Variants in PLCB1 observed in about 807,000 individuals in gnomAD.
PLCB1 encodes the protein 1-phosphatidylinositol 4,5-bisphosphate phosphodiesterase beta-1.
Under a neutral mutation model 161.8 loss-of-function variants are expected in PLCB1, and 46 were observed. That is an observed-to-expected ratio of 0.28 (90% confidence interval 0.22 to 0.36). The LOEUF (loss-of-function observed/expected upper bound fraction) is 0.36, where lower values mean the gene tolerates loss of function less well. Ranked by LOEUF, PLCB1 falls within the 10% of genes least tolerant of loss-of-function variation. The pLI, the probability that PLCB1 is intolerant of heterozygous loss-of-function variation, is 1.00. For missense variants in PLCB1, 1,016 were observed against 1,472.5 expected, an observed-to-expected ratio of 0.69 and a Z score of 5.07; for synonymous variants, 517 against 503.7, an observed-to-expected ratio of 1.03 and a Z score of -0.35.
intron 2 of PLCB1, among the ~76,000 whole-genome samples, chr20:8,203,024 G>A (rs1167967999): frequency 6.6e-6 from 1 of 152,088 alleles, no homozygotes; most frequent in Non-Finnish European, 1.5e-5. Flanking sequence ...GGCAAGTAGT[G>A]AGTAGTGATT....
At chr20:8,643,951 C>G (rs1261008980) in intron 4 of PLCB1, among the ~76,000 whole-genome samples, 1 of 152,202 alleles carries the variant, frequency 6.6e-6, no homozygotes. Context: ...CGCGCCGCCA[C>G]GCCTGACTGG....
intron 2 of PLCB1, among the ~76,000 whole-genome samples, chr20:8,339,740 G>A (rs558455493): frequency 1.3e-5 from 2 of 152,062 alleles, no homozygotes; most frequent in African/African-American, 4.8e-5. Flanking sequence ...ACATAACTTT[G>A]GGCCAGTTAC....
intron 3 of PLCB1, among the ~76,000 whole-genome samples, chr20:8,419,171 A>T (rs1411532531): frequency 6.6e-6 from 1 of 152,214 alleles, no homozygotes; most frequent in Non-Finnish European, 1.5e-5. Flanking sequence ...TTAATTTGTT[A>T]AAAATGGAAG....
intron 31 of PLCB1, among the ~76,000 whole-genome samples, chr20:8,848,767 G>A (rs1461715375): frequency 6.6e-6 from 1 of 152,242 alleles, no homozygotes; most frequent in Non-Finnish European, 1.5e-5. Flanking sequence ...TGAGGACTGA[G>A]ACTCTCTTTG....
At chr20:8,304,891 C>T (rs1984065784) in intron 2 of PLCB1, among the ~76,000 whole-genome samples, 1 of 152,152 alleles carries the variant, frequency 6.6e-6, no homozygotes, top group South Asian at 2.1e-4. Context: ...TTAACCCCAG[C>T]ACTATAAAGT....
chr20:8,795,858 G>C (rs1983997960), intron 31 of PLCB1, among the ~76,000 whole-genome samples: 1 of 141,912 alleles, frequency 7.0e-6, no homozygotes, highest in South Asian at 2.3e-4. Context: ...CTGGGCGACT[G>C]AGTGAGACCA....
At chr20:8,813,244 A>T (rs974125826) in intron 31 of PLCB1, among the ~76,000 whole-genome samples, 1 of 152,206 alleles carries the variant, frequency 6.6e-6, no homozygotes, top group South Asian at 2.1e-4. Context: ...TTCTCTACCA[A>T]GTCTACTCAC....
At chr20:8,246,889 AC>A (rs1202225543) in intron 2 of PLCB1, among the ~76,000 whole-genome samples, 1 of 151,726 alleles carries the variant, frequency 6.6e-6, no homozygotes, top group African/African-American at 2.4e-5. Context: ...CTTTAGAGCT[AC>A]CCTCATGCTC....
At chr20:8,617,631 G>C (rs1302713996) in intron 3 of PLCB1, among the ~76,000 whole-genome samples, 2 of 152,008 alleles carry the variant, frequency 1.3e-5, no homozygotes, top group Admixed American at 6.6e-5. Context: ...GCCTGTTGTT[G>C]AACATTTACC....
At chr20:8,442,042 G>T (rs1293436587) in intron 3 of PLCB1, among the ~76,000 whole-genome samples, 5 of 152,070 alleles carry the variant, frequency 3.3e-5, no homozygotes, top group Non-Finnish European at 7.4e-5. Flanking sequence ...CTAGAATATA[G>T]AAATAAAATA....
intron 10 of PLCB1, among the ~76,000 whole-genome samples, chr20:8,695,929 C>G (rs1990574806): frequency 1.3e-5 from 2 of 152,058 alleles, no homozygotes; most frequent in African/African-American, 4.8e-5. Context: ...TAATCAAGGC[C>G]CTCAGACCTT....
chr20:8,658,756 A>G (rs1568549677), intron 9 of PLCB1, 52 bp downstream of exon 9: 3 of 1,466,944 alleles, frequency 2.0e-6, no homozygotes, highest in Non-Finnish European at 2.8e-6. Context: ...GATTGGGGGT[A>G]GTCACACGCT....
intron 2 of PLCB1, among the ~76,000 whole-genome samples, chr20:8,167,130 T>C (rs1338603238): frequency 6.6e-6 from 1 of 152,092 alleles, no homozygotes; most frequent in Non-Finnish European, 1.5e-5. Flanking sequence ...TGAACACAGA[T>C]TTGGAAAGTG....
At chr20:8,476,114 C>T (rs990647430) in intron 3 of PLCB1, among the ~76,000 whole-genome samples, 4 of 152,182 alleles carry the variant, frequency 2.6e-5, no homozygotes, top group Non-Finnish European at 5.9e-5. Flanking sequence ...TGTCTTGGCC[C>T]CCACGGCTAC....
chr20:8,510,959 A>C (rs964275721), intron 3 of PLCB1, among the ~76,000 whole-genome samples: 51 of 152,324 alleles, frequency 3.3e-4, no homozygotes, highest in African/African-American at 1.2e-3. Context: ...TAGTTATCAT[A>C]TCCATCACCT....
intron 2 of PLCB1, among the ~76,000 whole-genome samples, chr20:8,352,054 C>A (rs1446081984): frequency 6.6e-6 from 1 of 151,984 alleles, no homozygotes; most frequent in African/African-American, 2.4e-5. Context: ...TTTATAGAAG[C>A]CTTATTCTTA....
At chr20:8,592,432 T>G (rs1390904988) in intron 3 of PLCB1, among the ~76,000 whole-genome samples, 3 of 152,208 alleles carry the variant, frequency 2.0e-5, no homozygotes, top group Admixed American at 6.5e-5. Flanking sequence ...AAGTAATGCA[T>G]GCAGGTCTTG....
intron 3 of PLCB1, among the ~76,000 whole-genome samples, chr20:8,418,418 A>C (rs931797726): frequency 1.3e-5 from 2 of 152,174 alleles, no homozygotes; most frequent in Non-Finnish European, 2.9e-5. Flanking sequence ...GAATATCTTC[A>C]GAACATGCAG....
intron 2 of PLCB1, among the ~76,000 whole-genome samples, chr20:8,260,765 T>C (rs1023756596): frequency 2.0e-5 from 3 of 152,102 alleles, no homozygotes; most frequent in African/African-American, 7.2e-5. Context: ...AGCAGTGTTG[T>C]TCATGTCATC....
Sources: gnomAD v4.1 joint callset for allele counts (sites outside exome capture counted in the v4.1 genomes callset) on GRCh38, gnomAD v4.1.1 for gene constraint, MANE v1.5 for transcripts, NCBI Gene and HGNC (gene_info 2026-07-23, HGNC 2026-07-21) for gene names.